Variants in MCTP1 observed in about 807,000 individuals in gnomAD.
The protein encoded by MCTP1 is multiple C2 and transmembrane domain containing 1, also known as multiple C2 and transmembrane domain-containing protein 1.
MCTP1 carries 69 observed loss-of-function variants against 120.6 expected under a neutral mutation model. The ratio of observed to expected loss-of-function variants is 0.57; its 90% CI spans 0.47 to 0.70. MCTP1 has a LOEUF of 0.70. Ranked by LOEUF, MCTP1 falls within the 30% of genes least tolerant of loss-of-function variation. MCTP1 has a pLI of 0.00. For synonymous variants in MCTP1, 529 were observed against 493.1 expected (o/e 1.07, Z -0.96); for missense variants, 1,203 against 1,248.8 (o/e 0.96, Z 0.55).
chr5:95,219,660 C>A (rs1279285165), intron 1 of MCTP1, among the ~76,000 whole-genome samples: 1 of 152,146 alleles, frequency 6.6e-6, no homozygotes, highest in Non-Finnish European at 1.5e-5. Context: ...ACACAGCAAC[C>A]TGAGACAACA....
At chr5:95,172,361 C>T (rs1042958834) in intron 1 of MCTP1, among the ~76,000 whole-genome samples, 4 of 152,188 alleles carry the variant, frequency 2.6e-5, no homozygotes, top group African/African-American at 9.6e-5. Context: ...GTCAGGGACC[C>T]ACTTGAGGAG....
rs752497748 is a variant in MCTP1, at chr5:95,283,836, G to A, written c.720+20C>T. 8.4e-7 allele frequency: 1 copy of A among 1,187,564 alleles called. No homozygotes were observed. The highest frequency in any genetic ancestry group is 4.3e-5 in the African/African-American group (1 of 23,442). The allele number at this position is 1,187,564 out of a possible 1,614,324, so 73.6% of individuals were successfully genotyped here. On this transcript the variant is annotated intron_variant, in intron 1 of 22. Coordinates refer to ENST00000515393, the MANE Select transcript of MCTP1 (RefSeq NM_024717.7). ...CGTGGTCCCGCGCACCTTGTCTCCG[G>A]CCGCGCCACCGGCACTCACCTGGCT...
chr5:95,038,611 A>T (rs567551603), intron 1 of MCTP1, among the ~76,000 whole-genome samples: 1 of 152,258 alleles, frequency 6.6e-6, no homozygotes, highest in Non-Finnish European at 1.5e-5. Flanking sequence ...TACATCATGG[A>T]AGGCATATTA....
At chr5:94,979,899 A>G (rs1829024853) in intron 2 of MCTP1, among the ~76,000 whole-genome samples, 1 of 152,126 alleles carries the variant, frequency 6.6e-6, no homozygotes, top group South Asian at 2.1e-4. Context: ...CAAAATTTAA[A>G]CCACAACAAA....
chr5:95,082,047 A>G (rs1024636376), intron 1 of MCTP1, among the ~76,000 whole-genome samples: 4 of 152,216 alleles, frequency 2.6e-5, no homozygotes, highest in Non-Finnish European at 5.9e-5. Context: ...CGGTATAAAA[A>G]CAATGTGTAG....
intron 18 of MCTP1, among the ~76,000 whole-genome samples, chr5:94,786,718 T>A (rs1014317046): frequency 6.6e-6 from 1 of 152,212 alleles, no homozygotes; most frequent in Non-Finnish European, 1.5e-5. Context: ...ATATTTATAG[T>A]ACCAACATTT....
At chr5:95,101,688 ATTAG>A (rs1393024785) in intron 1 of MCTP1, among the ~76,000 whole-genome samples, 2 of 152,192 alleles carry the variant, frequency 1.3e-5, no homozygotes, top group African/African-American at 4.8e-5. Flanking sequence ...CCAACACTGC[ATTAG>A]TTAGTGATCC....
rs993626129 is a variant in MCTP1 at position 94,780,920 on chromosome 5, A to C, written c.2557-1757T>G. On this transcript the variant is annotated intron_variant, in intron 18 of 22. Transcript: ENST00000515393. ...TCACATTTAAAGTATTCACATCACA[A>C]ATACAAAGACAATAGTGACAATATA... 3.9e-5 allele frequency among the ~76,000 whole-genome samples: 6 copies of C among 152,162 alleles called. No homozygotes were observed. The South Asian group carries it at 1.2e-3, about 31-fold the overall frequency.
At chr5:95,241,810 G>T (rs1403599303) in intron 1 of MCTP1, among the ~76,000 whole-genome samples, 2 of 152,172 alleles carry the variant, frequency 1.3e-5, no homozygotes, top group African/African-American at 4.8e-5. Flanking sequence ...ACATGCTACT[G>T]TATAGAAATG....
intron 1 of MCTP1, among the ~76,000 whole-genome samples, chr5:95,093,758 T>C (rs1356070367): frequency 6.6e-6 from 1 of 152,230 alleles, no homozygotes; most frequent in Non-Finnish European, 1.5e-5. Flanking sequence ...AGGTGAGGAC[T>C]AAGTGCCTTC....
intron 3 of MCTP1, among the ~76,000 whole-genome samples, chr5:94,952,851 C>T (rs1372817721): frequency 1.3e-5 from 2 of 151,968 alleles, no homozygotes; most frequent in Non-Finnish European, 2.9e-5. Context: ...AATGGCAGAT[C>T]TTAACTAATA....
In MCTP1 at chr5:94,775,317, C is replaced by A. The variant is rs1209224640; in HGVS notation, c.2610+3793G>T. On this transcript the variant is annotated intron_variant, in intron 19 of 22. Transcript: ENST00000515393. Reference sequence around the variant, plus strand: ...TGGATCTTATTACAAGGGTAGGATGCACCATGGGAAGCATGCCTAAACTTT... The same window carrying A: ...TGGATCTTATTACAAGGGTAGGATGAACCATGGGAAGCATGCCTAAACTTT... Among the ~76,000 whole-genome samples, 3 of 152,150 alleles carry A rather than the reference C, an allele frequency of 2.0e-5. No individual in the cohort carries two copies. The East Asian group carries it at 5.8e-4, about 29-fold the overall frequency.
At chr5:94,970,752 T>G (rs990619314) in intron 2 of MCTP1, among the ~76,000 whole-genome samples, 7 of 152,028 alleles carry the variant, frequency 4.6e-5, no homozygotes, top group Non-Finnish European at 1.0e-4. Flanking sequence ...AAATCACATC[T>G]AAAAAATTAA....
intron 1 of MCTP1, among the ~76,000 whole-genome samples, chr5:95,263,816 G>C (rs991343442): frequency 6.6e-6 from 1 of 152,148 alleles, no homozygotes; most frequent in African/African-American, 2.4e-5. Flanking sequence ...GTGAGGTTTA[G>C]AGAGGTTAAG....
chr5:95,192,412 ATATAAC>A (rs1270471753), intron 1 of MCTP1, among the ~76,000 whole-genome samples: 1 of 152,018 alleles, frequency 6.6e-6, no homozygotes, highest in Non-Finnish European at 1.5e-5. Flanking sequence ...GCTGCTCATT[ATATAAC>A]TATATTAGTC....
At chr5:95,251,602 A>G (rs1004432076) in intron 1 of MCTP1, among the ~76,000 whole-genome samples, 18 of 152,168 alleles carry the variant, frequency 1.2e-4, no homozygotes, top group Non-Finnish European at 2.6e-4. Flanking sequence ...GGGATTCCCT[A>G]TATTAATATT....
chr5:95,171,407 A>G (rs1347396679), intron 1 of MCTP1, among the ~76,000 whole-genome samples: 1 of 152,070 alleles, frequency 6.6e-6, no homozygotes, highest in Admixed American at 6.6e-5. Context: ...GCCCTTCTCA[A>G]GGAGTATCTT....
At position 94,880,883 on chromosome 5, in the gene MCTP1, A is replaced by G. The variant is rs1220603636; in HGVS notation, c.1934-7642T>C. On this transcript the variant is annotated intron_variant, in intron 12 of 22. Transcript: ENST00000515393. ...TAATTTGCCTTCTGTAGTAATTAGA[A>G]AATCTTAATGAAATGATAGGCATGA... Among the ~76,000 whole-genome samples, 3 of 152,088 alleles carry G rather than the reference A, an allele frequency of 2.0e-5. No individual in the cohort carries two copies. The East Asian group carries it at 5.8e-4, about 29-fold the overall frequency.
At chr5:95,011,211 CAT>C (rs1296116056) in intron 2 of MCTP1, among the ~76,000 whole-genome samples, 1 of 152,124 alleles carries the variant, frequency 6.6e-6, no homozygotes, top group Non-Finnish European at 1.5e-5. Context: ...TAACTGTACA[CAT>C]ATAATTTTAG....
Sources: gnomAD v4.1 joint callset for allele counts (sites outside exome capture counted in the v4.1 genomes callset) on GRCh38, gnomAD v4.1.1 for gene constraint, MANE v1.5 for transcripts, NCBI Gene and HGNC (gene_info 2026-07-23, HGNC 2026-07-21) for gene names.